PSMB7: variants seen among roughly 807,000 people sequenced by gnomAD.
PSMB7 encodes proteasome subunit beta type-7.
A neutral mutation model predicts 28.1 loss-of-function variants in PSMB7; 5 were observed. The observed-to-expected ratio is 0.18, with a 90% CI of 0.09 to 0.37. The LOEUF (loss-of-function observed/expected upper bound fraction) is 0.37. PSMB7 is among the 10% of genes least tolerant of loss of function. PSMB7 has a pLI of 1.00. For missense variants in PSMB7, 275 were observed against 346.2 expected, an observed-to-expected ratio of 0.79 and a Z score of 1.63; for synonymous variants, 122 against 123.7, an observed-to-expected ratio of 0.99 and a Z score of 0.09.
chr9:124,373,045 C>T (rs1412636917), intron 6 of PSMB7, among the ~76,000 whole-genome samples: 3 of 152,204 alleles, frequency 2.0e-5, no homozygotes, highest in African/African-American at 2.4e-5. Flanking sequence ...AAGCTGGCCA[C>T]CAGTGGTCTC....
intron 5 of PSMB7, chr9:124,398,424 CA>C: frequency 3.0e-6 from 1 of 328,750 alleles, no homozygotes; most frequent in Non-Finnish European, 6.3e-6. Flanking sequence ...CAGGCGAGTA[CA>C]AAACCGTGAT....
At position 124,415,362 on chromosome 9, in the gene PSMB7, A is replaced by G; in HGVS notation, c.62+2T>C. On this transcript the variant is annotated splice_donor_variant, in intron 1 of 7. Transcript: ENST00000259457. LOFTEE classifies it high-confidence loss of function. ...TGAACCAAGCCCCAAGCAAGGCGGCACCTGCGGCAGTTATCAAAAGAGAAG... is the reference window on the plus strand; with the variant it reads ...TGAACCAAGCCCCAAGCAAGGCGGCGCCTGCGGCAGTTATCAAAAGAGAAG... The G allele has an allele frequency of 1.2e-6, 2 of 1,613,902 alleles. No homozygotes were observed.
intron 5 of PSMB7, among the ~76,000 whole-genome samples, chr9:124,390,174 A>G (rs1230684802): frequency 6.6e-6 from 1 of 152,266 alleles, no homozygotes; most frequent in Non-Finnish European, 1.5e-5. Flanking sequence ...TGCCTTTTTA[A>G]TTAGCAAAGA....
chr9:124,364,432 T>C (rs1366165821), intron 6 of PSMB7, among the ~76,000 whole-genome samples: 11 of 151,600 alleles, frequency 7.3e-5, no homozygotes, highest in South Asian at 2.1e-4. Flanking sequence ...CAAGAACATA[T>C]TGCTTTCCAC....
intron 6 of PSMB7, among the ~76,000 whole-genome samples, chr9:124,367,302 C>T (rs1034264650): frequency 7.2e-5 from 11 of 152,142 alleles, no homozygotes; most frequent in African/African-American, 2.4e-5. Context: ...ACACAAAGGC[C>T]TTTCATAACT....
At chr9:124,397,687 C>A (rs927081069) in intron 5 of PSMB7, among the ~76,000 whole-genome samples, 1 of 152,192 alleles carries the variant, frequency 6.6e-6, no homozygotes, top group East Asian at 1.9e-4. Flanking sequence ...AAAAAACTCA[C>A]AATCTAACTA....
intron 5 of PSMB7, among the ~76,000 whole-genome samples, chr9:124,399,851 G>A (rs1047787210): frequency 1.3e-5 from 2 of 152,074 alleles, no homozygotes; most frequent in African/African-American, 4.8e-5. Context: ...CTCCCTCCCT[G>A]CCCCAGGCCT....
chr9:124,394,529 A>C (rs996517474), intron 5 of PSMB7, among the ~76,000 whole-genome samples: 5 of 152,202 alleles, frequency 3.3e-5, no homozygotes, highest in Admixed American at 3.3e-4. Context: ...ACTTGGTTGT[A>C]GGCTGAGGAC....
chr9:124,388,880 C>T (rs1398367545), intron 5 of PSMB7, among the ~76,000 whole-genome samples: 1 of 152,202 alleles, frequency 6.6e-6, no homozygotes, highest in Non-Finnish European at 1.5e-5. Flanking sequence ...CTCCCCTCCA[C>T]AGGGTTTATC....
rs145320446 is a variant in PSMB7, at chr9:124,409,236, T to C, written c.395+3116A>G. 5.5e-4 allele frequency among the ~76,000 whole-genome samples: 84 copies of C among 152,358 alleles called. 2 individuals are homozygous for C. The East Asian group carries it at 0.014, about 25-fold the overall frequency. ...ATAACATACACCAAACCAAGAGTGA[T>C]GCTCCCTGAATGGCAAAGTTTTCAT... On this transcript the variant is annotated intron_variant, in intron 4 of 7. Transcript: ENST00000259457.
At chr9:124,415,045 C>T in intron 1 of PSMB7, 110 bp from the exon 2 acceptor site, 1 of 721,038 alleles carries the variant, frequency 1.4e-6, no homozygotes, top group South Asian at 1.8e-5. Flanking sequence ...TGTTTTCACG[C>T]CCATCTGTTT....
At chr9:124,370,223 CTTTTTT>C (rs34812724) in intron 6 of PSMB7, among the ~76,000 whole-genome samples, 1 of 144,460 alleles carries the variant, frequency 6.9e-6, no homozygotes, top group South Asian at 2.2e-4. Context: ...GAAAGAGCAC[CTTTTTT>C]TTTTTTTTTT....
rs1215315578 is a variant in PSMB7 at position 124,356,212 on chromosome 9, T to C, written c.722+552A>G. Among the ~76,000 whole-genome samples the C allele has an allele frequency of 3.9e-5, 6 of 152,258 alleles. No individual in the cohort carries two copies. In the East Asian group the frequency reaches 1.2e-3, roughly 29 times the overall value. Reference sequence around the variant, plus strand: ...TCCCAGTTCTGCTCAGCAAATCAACTAGAACCTTCTCCCACTGCTCTGAGT... The same window carrying C: ...TCCCAGTTCTGCTCAGCAAATCAACCAGAACCTTCTCCCACTGCTCTGAGT... On this transcript the variant is annotated intron_variant, in intron 7 of 7. Coordinates refer to ENST00000259457, the MANE Select transcript of PSMB7 (RefSeq NM_002799.4). The surrounding 1 kb of genome is among the most constrained non-coding windows in gnomAD (Gnocchi z 4.4).
At chr9:124,378,558 C>T (rs72761452) in intron 6 of PSMB7, among the ~76,000 whole-genome samples, 3,641 of 152,230 alleles carry the variant, frequency 0.024, 64 homozygotes, top group Non-Finnish European at 0.032. Context: ...CAGCAGCCCT[C>T]GCAAGATATT....
At chr9:124,411,120 C>T (rs1831023595) in intron 4 of PSMB7, among the ~76,000 whole-genome samples, 1 of 152,144 alleles carries the variant, frequency 6.6e-6, no homozygotes, top group African/African-American at 2.4e-5. Context: ...GGATTACAGG[C>T]AAGCGCCACC....
At chr9:124,396,047 G>T (rs1260605681) in intron 5 of PSMB7, among the ~76,000 whole-genome samples, 1 of 152,212 alleles carries the variant, frequency 6.6e-6, no homozygotes, top group Non-Finnish European at 1.5e-5. Flanking sequence ...GCAGGCAGAA[G>T]AATTTCCAGC....
At chr9:124,368,858 C>T (rs1830534150) in intron 6 of PSMB7, among the ~76,000 whole-genome samples, 1 of 152,186 alleles carries the variant, frequency 6.6e-6, no homozygotes. Flanking sequence ...TTACATCTTA[C>T]AAACTGGGGC....
chr9:124,366,583 TAA>T (rs1298164648), intron 6 of PSMB7, among the ~76,000 whole-genome samples: 1 of 152,224 alleles, frequency 6.6e-6, no homozygotes, highest in Non-Finnish European at 1.5e-5. Context: ...TAGTGTAGCC[TAA>T]GTGTCCAGTG....
intron 6 of PSMB7, among the ~76,000 whole-genome samples, chr9:124,380,888 A>C (rs1830657270): frequency 6.6e-6 from 1 of 152,232 alleles, no homozygotes; most frequent in South Asian, 2.1e-4. Context: ...GACAAGTTCA[A>C]AACGCAGTGA....
Sources: gnomAD v4.1 joint callset for allele counts (sites outside exome capture counted in the v4.1 genomes callset) on GRCh38, gnomAD v4.1.1 for gene constraint, Gnocchi (gnomAD v3.1) non-coding constraint, MANE v1.5 for transcripts, NCBI Gene and HGNC (gene_info 2026-07-23, HGNC 2026-07-21) for gene names.